Variants in SPOCK3 observed in about 807,000 individuals in gnomAD.
SPOCK3 encodes the protein testican-3.
SPOCK3 carries 30 observed loss-of-function variants against 56.6 expected under a neutral mutation model. The ratio of observed to expected loss-of-function variants is 0.53; its 90% CI spans 0.40 to 0.72. The LOEUF (loss-of-function observed/expected upper bound fraction) is 0.72. Among genes scored for constraint, SPOCK3 ranks in the 30% least tolerant of loss-of-function variants. The pLI is 0.00. For synonymous variants in SPOCK3, 196 were observed against 183.3 expected, an observed-to-expected ratio of 1.07 and a Z score of -0.56; for missense variants, 527 against 530.0, an observed-to-expected ratio of 0.99 and a Z score of 0.06.
intron 5 of SPOCK3, among the ~76,000 whole-genome samples, chr4:166,896,264 C>T (rs989432853): frequency 6.6e-6 from 1 of 152,080 alleles, no homozygotes; most frequent in Non-Finnish European, 1.5e-5. Flanking sequence ...AGAAACAATG[C>T]TTTACTCACA....
chr4:167,138,932 T>A (rs1419486386), intron 2 of SPOCK3, among the ~76,000 whole-genome samples: 1 of 152,026 alleles, frequency 6.6e-6, no homozygotes. Context: ...CTTCAATTAA[T>A]ATGATTTATC....
chr4:167,186,978 C>CAA (rs67424272), intron 2 of SPOCK3, among the ~76,000 whole-genome samples: 3 of 88,364 alleles, frequency 3.4e-5, no homozygotes, highest in Admixed American at 1.1e-4. Flanking sequence ...CTCTGTGCCT[C>CAA]AAAAAAAAAA....
intron 2 of SPOCK3, among the ~76,000 whole-genome samples, chr4:167,224,051 A>T (rs1290137663): frequency 1.3e-5 from 2 of 152,170 alleles, no homozygotes; most frequent in African/African-American, 4.8e-5. Flanking sequence ...ACTTATTTTT[A>T]AAAGTAATTT....
chr4:166,943,157 C>G (rs915202668), intron 4 of SPOCK3, among the ~76,000 whole-genome samples: 1 of 152,208 alleles, frequency 6.6e-6, no homozygotes, highest in African/African-American at 2.4e-5. Context: ...TAGCACACTT[C>G]AAATTCTAGT....
chr4:167,164,306 GATT>G (rs1765571395), intron 2 of SPOCK3, among the ~76,000 whole-genome samples: 1 of 151,932 alleles, frequency 6.6e-6, no homozygotes, highest in Non-Finnish European at 1.5e-5. Context: ...TGATTAATGT[GATT>G]ATATTACTCT....
At chr4:167,186,159 C>A (rs1349932247) in intron 2 of SPOCK3, among the ~76,000 whole-genome samples, 1 of 152,002 alleles carries the variant, frequency 6.6e-6, no homozygotes, top group East Asian at 1.9e-4. Flanking sequence ...TCAAATTCAA[C>A]AATTAATTAT....
intron 4 of SPOCK3, among the ~76,000 whole-genome samples, chr4:166,978,915 T>A (rs919741341): frequency 3.3e-5 from 5 of 152,178 alleles, no homozygotes; most frequent in Admixed American, 1.3e-4. Flanking sequence ...AAAAGGGATA[T>A]GAGTGCGGAA....
At chr4:166,751,944 C>T (rs1046493926) in intron 8 of SPOCK3, among the ~76,000 whole-genome samples, 5 of 152,114 alleles carry the variant, frequency 3.3e-5, no homozygotes, top group Non-Finnish European at 7.4e-5. Flanking sequence ...GCCATAGAAA[C>T]AAATTTGTTT....
intron 4 of SPOCK3, among the ~76,000 whole-genome samples, chr4:166,995,403 A>G (rs1748254225): frequency 6.6e-6 from 1 of 152,084 alleles, no homozygotes; most frequent in African/African-American, 2.4e-5. Flanking sequence ...ATTAATTTTA[A>G]AAACTTTTGC....
At chr4:166,895,508 G>T (rs961989922) in intron 5 of SPOCK3, among the ~76,000 whole-genome samples, 12 of 151,692 alleles carry the variant, frequency 7.9e-5, no homozygotes, top group Non-Finnish European at 7.4e-5. Flanking sequence ...ACAAAGAAAA[G>T]ACTTTGAATA....
intron 6 of SPOCK3, among the ~76,000 whole-genome samples, chr4:166,850,572 G>A (rs1748575030): frequency 6.6e-6 from 1 of 152,218 alleles, no homozygotes; most frequent in African/African-American, 2.4e-5. Flanking sequence ...CATCTCACTA[G>A]GGAGTGCCAG....
chr4:166,767,967 C>G (rs1186148502), intron 7 of SPOCK3, among the ~76,000 whole-genome samples: 1 of 151,004 alleles, frequency 6.6e-6, no homozygotes, highest in African/African-American at 2.4e-5. Context: ...GTCTTTTGAT[C>G]TTTGTTGGTT....
At chr4:167,102,842 A>C (rs1406297831) in intron 2 of SPOCK3, among the ~76,000 whole-genome samples, 3 of 149,374 alleles carry the variant, frequency 2.0e-5, no homozygotes, top group Non-Finnish European at 4.4e-5. Context: ...GCTCAGAGAC[A>C]GGGGATGTGG....
At position 167,177,694 on chromosome 4, in the gene SPOCK3, T is replaced by C. The variant is rs538624040; in HGVS notation, c.189+56291A>G. On this transcript the variant is annotated intron_variant, in intron 2 of 10. Transcript: ENST00000357545. Reference sequence around the variant, plus strand: ...AAGCTAACAAAGCAGCAATCACTCATATCAGCAGACATTTTGTGGTTTTTA... The same window carrying C: ...AAGCTAACAAAGCAGCAATCACTCACATCAGCAGACATTTTGTGGTTTTTA... 9.9e-5 allele frequency among the ~76,000 whole-genome samples: 15 copies of C among 152,270 alleles called. No individual in the cohort carries two copies. The South Asian group carries it at 2.9e-3, about 29-fold the overall frequency.
At chr4:167,207,145 G>A (rs1328709702) in intron 2 of SPOCK3, among the ~76,000 whole-genome samples, 1 of 151,914 alleles carries the variant, frequency 6.6e-6, no homozygotes, top group African/African-American at 2.4e-5. Context: ...TCTATAAGTT[G>A]TTTTTATTTA....
In SPOCK3 at chr4:167,062,554, T is replaced by C; in HGVS notation, c.190-17A>G. On this transcript the variant is annotated splice_polypyrimidine_tract_variant and intron_variant, in intron 2 of 10. Transcript: ENST00000357545. ...ATAATCATCCTAAGGGGGAAAATAA[T>C]GTGAATTGAGTGTATACAAGTAATT... is the stretch of plus-strand genomic sequence containing the variant. The C allele has an allele frequency of 6.3e-7, 1 of 1,595,346 alleles. No individual in the cohort carries two copies. Among genetic ancestry groups the C allele is most frequent in the Non-Finnish European group, 8.6e-7 (1 of 1,165,898 alleles).
chr4:167,144,370 T>C (rs13145979), intron 2 of SPOCK3, among the ~76,000 whole-genome samples: 120,805 of 151,850 alleles, frequency 0.8, 48,131 homozygotes, highest in African/African-American at 0.82. Context: ...TGTAAAATTA[T>C]GCACTAATTT....
At chr4:166,811,993 A>G (rs1269616589) in intron 6 of SPOCK3, among the ~76,000 whole-genome samples, 4 of 151,850 alleles carry the variant, frequency 2.6e-5, no homozygotes, top group Non-Finnish European at 5.9e-5. Context: ...AGAATTAAAG[A>G]TCTGTGTTTT....
intron 4 of SPOCK3, among the ~76,000 whole-genome samples, chr4:166,936,914 T>C (rs1022724925): frequency 6.6e-6 from 1 of 152,164 alleles, no homozygotes; most frequent in Non-Finnish European, 1.5e-5. Context: ...TTTGATAATC[T>C]TATTTTCATT....
Sources: allele counts gnomAD v4.1 joint callset (sites outside exome capture counted in the v4.1 genomes callset), GRCh38; gene constraint gnomAD v4.1.1; transcripts MANE v1.5; gene names NCBI Gene and HGNC (gene_info 2026-07-23, HGNC 2026-07-21).